The following ZNF385B variants were observed in gnomAD, a reference collection of about 807,000 sequenced individuals.
ZNF385B encodes the protein zinc finger protein 385B, also known as zinc finger protein 533.
ZNF385B carries 23 observed loss-of-function variants against 39.2 expected under a neutral mutation model. That is an observed-to-expected ratio of 0.59 (90% CI 0.42 to 0.83). The LOEUF (loss-of-function observed/expected upper bound fraction) is 0.83. Among genes scored for constraint, ZNF385B ranks in the 40% least tolerant of loss-of-function variants. The pLI is 0.00. For synonymous variants in ZNF385B, 205 were observed against 222.6 expected, an observed-to-expected ratio of 0.92 and a Z score of 0.70; for missense variants, 552 against 598.9, an observed-to-expected ratio of 0.92 and a Z score of 0.82.
chr2:179,745,746 G>A, intron 3 of ZNF385B: 2 of 1,540,132 alleles, frequency 1.3e-6, no homozygotes, highest in Non-Finnish European at 1.8e-6. Flanking sequence ...ATCCTGGCAG[G>A]GCTCTCACCA....
chr2:179,667,499 A>G (rs16866901), intron 3 of ZNF385B, among the ~76,000 whole-genome samples: 2,074 of 152,112 alleles, frequency 0.014, 52 homozygotes, highest in African/African-American at 0.047. Context: ...CCCTTTTTGT[A>G]CCACATGACT....
intron 6 of ZNF385B, 124 bp from the exon 7 acceptor site, chr2:179,446,894 T>C (rs1195477661): frequency 7.8e-7 from 1 of 1,287,434 alleles, no homozygotes; most frequent in African/African-American, 1.5e-5. Flanking sequence ...CAGCATAGAT[T>C]TCAGTTTATA....
intron 1 of ZNF385B, among the ~76,000 whole-genome samples, chr2:179,776,477 C>T (rs894708495): frequency 6.6e-6 from 1 of 152,132 alleles, no homozygotes; most frequent in Non-Finnish European, 1.5e-5. Context: ...CTCAGGGAAC[C>T]CCCATATCTA....
At chr2:179,472,528 G>A (rs2052890194) in intron 6 of ZNF385B, among the ~76,000 whole-genome samples, 1 of 152,144 alleles carries the variant, frequency 6.6e-6, no homozygotes, top group Non-Finnish European at 1.5e-5. Context: ...AATCTCTACT[G>A]TGGTAAGAAC....
chr2:179,662,263 T>G (rs1694576653), intron 3 of ZNF385B, among the ~76,000 whole-genome samples: 1 of 152,182 alleles, frequency 6.6e-6, no homozygotes, highest in East Asian at 1.9e-4. Context: ...AAATTGCTAA[T>G]CCTTCTGAAT....
intron 3 of ZNF385B, among the ~76,000 whole-genome samples, chr2:179,605,575 G>A (rs1479412944): frequency 6.6e-6 from 1 of 152,072 alleles, no homozygotes; most frequent in African/African-American, 2.4e-5. Flanking sequence ...ATAGCAGCAG[G>A]TCCCAATGGC....
At chr2:179,519,427 C>T (rs550462571) in intron 4 of ZNF385B, among the ~76,000 whole-genome samples, 1 of 152,266 alleles carries the variant, frequency 6.6e-6, no homozygotes, top group African/African-American at 2.4e-5. Flanking sequence ...TGACATGCAA[C>T]CCTTGGTTAA....
intron 6 of ZNF385B, among the ~76,000 whole-genome samples, chr2:179,466,193 C>A (rs141858735): frequency 1.0e-3 from 158 of 152,058 alleles, no homozygotes; most frequent in African/African-American, 3.6e-3. Flanking sequence ...GATCTCCTTG[C>A]GATGTACTAG....
intron 6 of ZNF385B, among the ~76,000 whole-genome samples, chr2:179,474,834 G>T (rs899815660): frequency 6.6e-6 from 1 of 152,154 alleles, no homozygotes; most frequent in African/African-American, 2.4e-5. Context: ...AAAAAAATCT[G>T]CGAGAACATC....
chr2:179,849,556 G>A (rs1708972938), intron 1 of ZNF385B, among the ~76,000 whole-genome samples: 1 of 152,198 alleles, frequency 6.6e-6, no homozygotes, highest in Admixed American at 6.5e-5. Flanking sequence ...CAATTAGGAT[G>A]TGATTAGTAT....
intron 3 of ZNF385B, among the ~76,000 whole-genome samples, chr2:179,699,134 T>G (rs1291727044): frequency 2.0e-5 from 3 of 150,042 alleles, no homozygotes; most frequent in African/African-American, 7.3e-5. Flanking sequence ...ATATATAAAA[T>G]TTACCATTTT....
chr2:179,692,606 G>A (rs1409113500), intron 3 of ZNF385B, among the ~76,000 whole-genome samples: 1 of 152,134 alleles, frequency 6.6e-6, no homozygotes, highest in Non-Finnish European at 1.5e-5. Context: ...ATGTATTACT[G>A]CACTTTGATA....
At chr2:179,825,851 C>T (rs1707650085) in intron 1 of ZNF385B, among the ~76,000 whole-genome samples, 1 of 152,058 alleles carries the variant, frequency 6.6e-6, no homozygotes, top group Non-Finnish European at 1.5e-5. Flanking sequence ...TAACTCATGG[C>T]TTCCACCATC....
At chr2:179,497,747 A>G (rs1209094698) in intron 5 of ZNF385B, among the ~76,000 whole-genome samples, 1 of 152,118 alleles carries the variant, frequency 6.6e-6, no homozygotes, top group Non-Finnish European at 1.5e-5. Context: ...AAATACACTG[A>G]ACTCTCCAAT....
At position 179,725,873 on chromosome 2, in the gene ZNF385B, A is replaced by G. The variant is rs114278249; in HGVS notation, c.298+43630T>C. On this transcript the variant is annotated intron_variant, in intron 3 of 9. Transcript: ENST00000410066. ...CATATATCATATATCTCATATATAC[A>G]TACATGATATATATATGAATATATG... Among the ~76,000 whole-genome samples the G allele has an allele frequency of 7.5e-3, 1,116 of 148,758 alleles. 14 individuals carry two copies. Among genetic ancestry groups the G allele is most frequent in the African/African-American group, 0.026 (1,067 of 40,626 alleles).
In ZNF385B at chr2:179,769,787, A is replaced by G; in HGVS notation, c.14T>C (p.Leu5Ser). 6.2e-7 allele frequency: 1 copy of G among 1,611,330 alleles called. No homozygotes were observed. Among genetic ancestry groups the G allele is most frequent in the Admixed American group, 1.7e-5 (1 of 59,800 alleles). The change falls in exon 3 of 10, where the codon TTA (leucine) becomes TCA (serine). Residue 5 changes from leucine (L) to serine (S), a missense_variant. By Grantham distance (145) the Leu-to-Ser change is moderately radical. Transcript: ENST00000410066. Reference protein sequence around the residue: MRYSLSPDNHLEDGI... With the variant: MRYSSSPDNHLEDGI... ...ATCTTCAAGATGGTTGTCAGGGCTT[A>G]AGGAGTACCTCATGCCTGAAAAACA...
intron 1 of ZNF385B, among the ~76,000 whole-genome samples, chr2:179,808,072 G>A (rs900978397): frequency 9.3e-5 from 14 of 151,328 alleles, no homozygotes; most frequent in South Asian, 8.4e-4. Context: ...TTGCTCTGTC[G>A]CCCAGGCTGG....
At chr2:179,517,501 A>ATT (rs2058173734) in intron 5 of ZNF385B, among the ~76,000 whole-genome samples, 2 of 149,952 alleles carry the variant, frequency 1.3e-5, no homozygotes, top group Non-Finnish European at 3.0e-5. Flanking sequence ...AAATCATGAT[A>ATT]AACATCTCTT....
chr2:179,692,742 G>A (rs377124490), intron 3 of ZNF385B, among the ~76,000 whole-genome samples: 115 of 152,260 alleles, frequency 7.6e-4, no homozygotes, highest in African/African-American at 2.6e-3. Flanking sequence ...TCTCTCAAAA[G>A]AAGTCTGCTC....
Sources: gnomAD v4.1 joint callset for allele counts (sites outside exome capture counted in the v4.1 genomes callset) on GRCh38, gnomAD v4.1.1 for gene constraint, MANE v1.5 for transcripts, NCBI Gene and HGNC (gene_info 2026-07-23, HGNC 2026-07-21) for gene names.